Variants in RANBP9 observed in about 807,000 individuals in gnomAD.
The protein encoded by RANBP9 is ran-binding protein 9.
Under a neutral mutation model 84.3 loss-of-function variants are expected in RANBP9, and 15 were observed. The observed-to-expected ratio is 0.18, with a 90% CI of 0.12 to 0.27. The LOEUF is 0.27. Among genes scored for constraint, RANBP9 ranks in the 10% least tolerant of loss-of-function variants. The probability of loss-of-function intolerance (pLI) is 1.00; values close to 1 mark genes in which losing one functional copy is unlikely to be tolerated. For synonymous variants in RANBP9, 392 were observed against 349.6 expected, an observed-to-expected ratio of 1.12 and a Z score of -1.35; for missense variants, 809 against 912.8, an observed-to-expected ratio of 0.89 and a Z score of 1.46.
intron 1 of RANBP9, among the ~76,000 whole-genome samples, chr6:13,705,658 A>G (rs2113370778): frequency 6.6e-6 from 1 of 151,564 alleles, no homozygotes; most frequent in South Asian, 2.1e-4. Context: ...TCAGGAGATC[A>G]AGACCATCCT....
At chr6:13,686,568 A>G (rs751401907) in intron 2 of RANBP9, among the ~76,000 whole-genome samples, 1 of 151,876 alleles carries the variant, frequency 6.6e-6, no homozygotes, top group African/African-American at 2.4e-5. Flanking sequence ...TACAGGCATG[A>G]GCCACCATGC....
chr6:13,645,282 G>T (rs1765155193), intron 5 of RANBP9, among the ~76,000 whole-genome samples: 1 of 151,924 alleles, frequency 6.6e-6, no homozygotes, highest in Non-Finnish European at 1.5e-5. Context: ...AAAACACAGT[G>T]CCAGGAAGAG....
chr6:13,698,107 A>C (rs1329093986), intron 1 of RANBP9, among the ~76,000 whole-genome samples: 1 of 152,158 alleles, frequency 6.6e-6, no homozygotes, highest in African/African-American at 2.4e-5. Flanking sequence ...TAAACACTTA[A>C]GTTTACACTT....
At chr6:13,627,960 C>T (rs1764666046) in intron 12 of RANBP9, among the ~76,000 whole-genome samples, 1 of 152,016 alleles carries the variant, frequency 6.6e-6, no homozygotes, top group Admixed American at 6.6e-5. Context: ...GCACATGTAC[C>T]CTGGAACTTA....
chr6:13,684,329 C>T (rs1022144073), intron 2 of RANBP9, among the ~76,000 whole-genome samples: 1 of 152,184 alleles, frequency 6.6e-6, no homozygotes, highest in African/African-American at 2.4e-5. Flanking sequence ...CCTTAAAACT[C>T]ACTAAAAACA....
At chr6:13,642,350 T>G (rs1765087356) in intron 7 of RANBP9, 129 bp downstream of exon 7, 2 of 362,746 alleles carry the variant, frequency 5.5e-6, no homozygotes, top group Admixed American at 9.2e-5. Flanking sequence ...AAAATAAAAT[T>G]CAGAGGCATC....
At chr6:13,644,879 T>TA in intron 5 of RANBP9, 150 bp from the exon 6 acceptor site, 1 of 669,750 alleles carries the variant, frequency 1.5e-6, no homozygotes, top group Non-Finnish European at 2.3e-6. Flanking sequence ...ACAAATGATC[T>TA]AAAATACATT....
chr6:13,678,453 A>T (rs1056248218), intron 2 of RANBP9, among the ~76,000 whole-genome samples: 70 of 152,230 alleles, frequency 4.6e-4, no homozygotes, highest in African/African-American at 1.5e-3. Flanking sequence ...GAGGGCTCAC[A>T]GGAGCATGTC....
intron 2 of RANBP9, among the ~76,000 whole-genome samples, chr6:13,674,837 A>G (rs1765853940): frequency 2.6e-5 from 4 of 152,096 alleles, no homozygotes; most frequent in Admixed American, 2.6e-4. Flanking sequence ...CCTTACTTTA[A>G]AGTAGTTACC....
chr6:13,672,641 G>T (rs922005040), intron 2 of RANBP9, among the ~76,000 whole-genome samples: 2 of 152,018 alleles, frequency 1.3e-5, no homozygotes, highest in Non-Finnish European at 2.9e-5. Context: ...ACAAAAAATT[G>T]CAAGGCATGT....
intron 5 of RANBP9, among the ~76,000 whole-genome samples, chr6:13,650,591 T>C (rs1438745047): frequency 2.0e-5 from 3 of 152,170 alleles, no homozygotes; most frequent in African/African-American, 7.2e-5. Flanking sequence ...TGAGTTGCTT[T>C]TCCTGATGAA....
intron 12 of RANBP9, among the ~76,000 whole-genome samples, chr6:13,630,081 C>T (rs1764736172): frequency 6.6e-6 from 1 of 152,166 alleles, no homozygotes; most frequent in South Asian, 2.1e-4. Context: ...CCTGTTTTCT[C>T]TTCATGTTGC....
chr6:13,635,690 A>G (rs541193441), intron 10 of RANBP9, among the ~76,000 whole-genome samples: 28 of 152,226 alleles, frequency 1.8e-4, no homozygotes, highest in African/African-American at 6.7e-4. Flanking sequence ...GACTTACTCA[A>G]CCAGGAAAGC....
intron 1 of RANBP9, among the ~76,000 whole-genome samples, chr6:13,704,197 C>T (rs548322769): frequency 1.3e-5 from 2 of 152,170 alleles, no homozygotes; most frequent in Non-Finnish European, 2.9e-5. Context: ...CTCTTGTAAC[C>T]TCTTGAATCT....
At chr6:13,686,912 T>G (rs1363062693) in intron 2 of RANBP9, among the ~76,000 whole-genome samples, 1 of 152,212 alleles carries the variant, frequency 6.6e-6, no homozygotes, top group African/African-American at 2.4e-5. Context: ...CAGTGGAGAC[T>G]TAGCAGTCCT....
At chr6:13,701,297 G>A (rs913829444) in intron 1 of RANBP9, among the ~76,000 whole-genome samples, 1 of 152,110 alleles carries the variant, frequency 6.6e-6, no homozygotes, top group Non-Finnish European at 1.5e-5. Context: ...CTTATGAACA[G>A]CCACTGCTAT....
intron 2 of RANBP9, among the ~76,000 whole-genome samples, chr6:13,677,454 TAAG>T (rs973903781): frequency 1.3e-5 from 2 of 152,194 alleles, no homozygotes; most frequent in Admixed American, 6.5e-5. Context: ...ACTGACACAG[TAAG>T]AGGGATCTTT....
intron 1 of RANBP9, among the ~76,000 whole-genome samples, chr6:13,705,480 T>G (rs1405785413): frequency 1.3e-5 from 2 of 151,140 alleles, no homozygotes; most frequent in African/African-American, 4.9e-5. Flanking sequence ...ATTATTAGAT[T>G]TACTTGATTC....
intron 2 of RANBP9, among the ~76,000 whole-genome samples, chr6:13,681,783 A>C (rs534296074): frequency 6.6e-6 from 1 of 152,332 alleles, no homozygotes; most frequent in East Asian, 1.9e-4. Flanking sequence ...ATAACAAAAG[A>C]ATAAATCAAG....
Sources: gnomAD v4.1 joint callset for allele counts (sites outside exome capture counted in the v4.1 genomes callset) on GRCh38, gnomAD v4.1.1 for gene constraint, MANE v1.5 for transcripts, NCBI Gene and HGNC (gene_info 2026-07-23, HGNC 2026-07-21) for gene names.